Variants in ETS1 observed in about 807,000 individuals in gnomAD.
ETS1 encodes the protein ETS proto-oncogene 1, transcription factor.
A neutral mutation model predicts 58.6 loss-of-function variants in ETS1; 15 were observed. The ratio of observed to expected loss-of-function variants is 0.26; its 90% confidence interval spans 0.17 to 0.39. The LOEUF (loss-of-function observed/expected upper bound fraction) is 0.39, where lower values mean the gene tolerates loss of function less well. ETS1 is among the 10% of genes least tolerant of loss of function. The pLI is 1.00. For missense variants in ETS1, 417 were observed against 610.5 expected (o/e 0.68, Z 3.34); for synonymous variants, 214 against 218.2 (o/e 0.98, Z 0.17).
In ETS1 at chr11:128,552,747, G is replaced by C. The variant is rs552574771; in HGVS notation, c.214+3544C>G. Among the ~76,000 whole-genome samples, 842 of 152,204 alleles carry C rather than the reference G, an allele frequency of 5.5e-3. 11 individuals are homozygous for C. Among genetic ancestry groups the C allele is most frequent in the African/African-American group, 0.019 (768 of 41,512 alleles). ...CGAGGTCTTGTGTCCTGTGTGCTCA[G>C]CTGGGTCTCTGATGTCGGTTTTGGA... is the stretch of plus-strand genomic sequence containing the variant. On this transcript the variant is annotated intron_variant, in intron 3 of 9. Coordinates refer to ENST00000392668, the MANE Select transcript of ETS1 (RefSeq NM_001143820.2).
chr11:128,532,965 C>A (rs931292515), intron 3 of ETS1, among the ~76,000 whole-genome samples: 1 of 152,206 alleles, frequency 6.6e-6, no homozygotes. Flanking sequence ...CCATGCAGGT[C>A]TCCTGATTAG....
intron 5 of ETS1, among the ~76,000 whole-genome samples, chr11:128,487,385 C>G (rs1399649716): frequency 6.6e-6 from 1 of 152,144 alleles, no homozygotes; most frequent in Non-Finnish European, 1.5e-5. Context: ...CCAGAAGGCC[C>G]CTGTGAATCC....
At chr11:128,575,518 G>GTGC (rs1424782531) in intron 1 of ETS1, among the ~76,000 whole-genome samples, 1 of 152,226 alleles carries the variant, frequency 6.6e-6, no homozygotes, top group Non-Finnish European at 1.5e-5. Flanking sequence ...CTATGTGCCA[G>GTGC]ACACGGTCCT....
At chr11:128,551,766 CAAA>C (rs1812795136) in intron 3 of ETS1, among the ~76,000 whole-genome samples, 1 of 152,140 alleles carries the variant, frequency 6.6e-6, no homozygotes, top group Admixed American at 6.5e-5. Context: ...TTTGGACTCC[CAAA>C]ATGCACTTTG....
intron 2 of ETS1, among the ~76,000 whole-genome samples, chr11:128,558,366 C>T (rs578207685): frequency 2.6e-5 from 4 of 152,130 alleles, no homozygotes; most frequent in African/African-American, 9.7e-5. Context: ...GTTTCCTGGC[C>T]GGGCGCGGTG....
Position 128,486,092 on chromosome 11 carries a change from C to A in ETS1, c.590G>T (p.Arg197Leu). ...NGVNPAYPESRYTSDYFISYG... is the reference protein window; with the variant it reads ...NGVNPAYPESLYTSDYFISYG... Reference sequence around the variant, plus strand: ...ACTAATGAAGTAATCCGAGGTATAGCGGGATTCTGGATAGGCTGGGTTGAC... The same window carrying A: ...ACTAATGAAGTAATCCGAGGTATAGAGGGATTCTGGATAGGCTGGGTTGAC... Residue 197 changes from arginine (R) to leucine (L), a missense_variant, in exon 6 of 10, where the codon CGC becomes CTC. This residue lies in a region of ETS1 where 132 missense variants were observed against 212.1 expected (regional missense o/e 0.62). Coordinates refer to ENST00000392668, the MANE Select transcript of ETS1 (RefSeq NM_001143820.2). The A allele has an allele frequency of 1.9e-6, 3 of 1,610,324 alleles. No homozygotes were observed. The highest frequency in any genetic ancestry group is 1.3e-5 in the African/African-American group (1 of 74,880).
At chr11:128,582,964 T>C (rs1426622044) in intron 1 of ETS1, among the ~76,000 whole-genome samples, 1 of 152,114 alleles carries the variant, frequency 6.6e-6, no homozygotes, top group African/African-American at 2.4e-5. Flanking sequence ...TTTTTCATTT[T>C]TGCTTTTTCA....
At chr11:128,519,033 C>T (rs768171745) in intron 3 of ETS1, among the ~76,000 whole-genome samples, 9 of 152,164 alleles carry the variant, frequency 5.9e-5, no homozygotes, top group Non-Finnish European at 1.2e-4. Flanking sequence ...CAGGCTCCAC[C>T]AGGAGAGAAC....
At chr11:128,507,719 G>A (rs903531319) in intron 3 of ETS1, among the ~76,000 whole-genome samples, 2 of 152,156 alleles carry the variant, frequency 1.3e-5, no homozygotes, top group Non-Finnish European at 2.9e-5. Flanking sequence ...GGCTTTTTCT[G>A]TCTTGAATCT....
chr11:128,563,476 G>A (rs546387559), intron 2 of ETS1, among the ~76,000 whole-genome samples: 1 of 152,176 alleles, frequency 6.6e-6, no homozygotes, highest in South Asian at 2.1e-4. Flanking sequence ...GTAACCTCTG[G>A]GCTATTCCTT....
Position 128,508,938 on chromosome 11 carries a change from T to C in ETS1, c.215-18362A>G, listed in dbSNP as rs148581445. ...AGGCAGTCGGGGGCAACTGAAGACT[T>C]GCATCATCTTTGCTCATCACTCTCT... On this transcript the variant is annotated intron_variant, in intron 3 of 9. Transcript: ENST00000392668. Among the ~76,000 whole-genome samples the C allele has an allele frequency of 1.1e-3, 161 of 152,338 alleles. 1 individual carries two copies. In the East Asian group the frequency reaches 0.022, roughly 21 times the overall value.
chr11:128,544,534 T>C (rs1206037224), intron 3 of ETS1, among the ~76,000 whole-genome samples: 2 of 151,826 alleles, frequency 1.3e-5, no homozygotes, highest in Non-Finnish European at 2.9e-5. Context: ...AATTCCATTC[T>C]TTTCCAAGGC....
chr11:128,505,717 T>A (rs1323981380), intron 3 of ETS1, among the ~76,000 whole-genome samples: 2 of 152,108 alleles, frequency 1.3e-5, no homozygotes, highest in African/African-American at 4.8e-5. Context: ...AAGTGATCAA[T>A]GCAAAAGGCG....
chr11:128,524,604 A>C (rs1863764622), intron 3 of ETS1, among the ~76,000 whole-genome samples: 2 of 152,214 alleles, frequency 1.3e-5, no homozygotes, highest in Admixed American at 6.5e-5. Context: ...TGATAAATGA[A>C]ATTTTTATTC....
chr11:128,547,887 G>T (rs1202633867), intron 3 of ETS1, among the ~76,000 whole-genome samples: 1 of 152,054 alleles, frequency 6.6e-6, no homozygotes, highest in African/African-American at 2.4e-5. Flanking sequence ...ACTCACACTG[G>T]CAGCTTTGGG....
chr11:128,528,919 T>C (rs574637077), intron 3 of ETS1: 3 of 152,240 alleles, frequency 2.0e-5, no homozygotes, highest in Non-Finnish European at 4.4e-5. Context: ...TGAGACTTCA[T>C]GTAAAAAATG....
Position 128,463,735 on chromosome 11 carries a change from C to T in ETS1, c.1124-108G>A, listed in dbSNP as rs185975563. Reference sequence around the variant, plus strand: ...TCCCTCTTCTCTCAGCCCATCCAGCCAGGAGAAAATGAAGGCAACAGACAG... The same window carrying T: ...TCCCTCTTCTCTCAGCCCATCCAGCTAGGAGAAAATGAAGGCAACAGACAG... On this transcript the variant is annotated intron_variant, in intron 8 of 9. Transcript: ENST00000392668. This position sits in a 1 kb window ranked among gnomAD's most constrained non-coding sequence, Gnocchi z 4.1. The T allele has an allele frequency of 4.9e-5, 35 of 707,114 alleles. No homozygotes were observed. The East Asian group carries it at 9.0e-4, about 18-fold the overall frequency. The allele number at this position is 707,114 out of a possible 1,614,324, so 43.8% of individuals were successfully genotyped here. A position where few individuals can be genotyped will look rare whatever the true frequency, so the allele number is the denominator to read the frequency against.
At chr11:128,584,965 A>AGAAC (rs1864947196) in intron 1 of ETS1, among the ~76,000 whole-genome samples, 1 of 27,284 alleles carries the variant, frequency 3.7e-5, no homozygotes, top group Non-Finnish European at 6.5e-5. Flanking sequence ...AAAGAAAGAA[A>AGAAC]GAAAGAAAGA....
At chr11:128,515,462 G>A (rs1164330608) in intron 3 of ETS1, among the ~76,000 whole-genome samples, 1 of 152,136 alleles carries the variant, frequency 6.6e-6, no homozygotes, top group East Asian at 1.9e-4. Flanking sequence ...ATGTTTGGGG[G>A]AAAACCATAC....
Sources: allele counts gnomAD v4.1 joint callset (sites outside exome capture counted in the v4.1 genomes callset), GRCh38; gene constraint gnomAD v4.1.1; regional missense constraint gnomAD v4.1.1; non-coding constraint Gnocchi (gnomAD v3.1); transcripts MANE v1.5; gene names NCBI Gene and HGNC (gene_info 2026-07-23, HGNC 2026-07-21).